The following TTC23 variants were observed in gnomAD, a reference collection of about 807,000 sequenced individuals.
The protein encoded by TTC23 is tetratricopeptide repeat protein 23.
A neutral mutation model predicts 55.1 loss-of-function variants in TTC23; 58 were observed. The observed-to-expected ratio is 1.05, with a 90% CI of 0.85 to 1.31. The LOEUF (loss-of-function observed/expected upper bound fraction) is 1.31, where lower values mean the gene tolerates loss of function less well. TTC23 is among the 50% of genes most tolerant of loss of function. The probability of loss-of-function intolerance (pLI) is 0.00; values close to 1 mark genes in which losing one functional copy is unlikely to be tolerated. For missense variants in TTC23, 516 were observed against 534.4 expected (o/e 0.97, Z 0.34); for synonymous variants, 203 against 199.9 (o/e 1.02, Z -0.13).
intron 8 of TTC23, among the ~76,000 whole-genome samples, chr15:99,210,346 C>T (rs982407593): frequency 3.3e-5 from 5 of 151,922 alleles, no homozygotes; most frequent in African/African-American, 1.2e-4. Context: ...TTTGGCTTCC[C>T]CACATTGAAA....
chr15:99,219,120 C>A, intron 6 of TTC23, 72 bp from the exon 7 acceptor site: 2 of 1,537,118 alleles, frequency 1.3e-6, no homozygotes, highest in South Asian at 2.5e-5. Flanking sequence ...TCCTTATGGT[C>A]TGGGAATCTA....
In TTC23 at chr15:99,175,165, C is replaced by T. The variant is rs1310528888; in HGVS notation, c.760-10G>A. Reference sequence around the variant, plus strand: ...GGATGATAAGATGTGCCTGTCACCACAGAAAGAAGAAACATGTTGTTTACA... The same window carrying T: ...GGATGATAAGATGTGCCTGTCACCATAGAAAGAAGAAACATGTTGTTTACA... On this transcript the variant is annotated splice_polypyrimidine_tract_variant and intron_variant, in intron 9 of 13. Coordinates refer to ENST00000394132, the MANE Select transcript of TTC23 (RefSeq NM_001288615.3). 6.2e-7 allele frequency: 1 copy of T among 1,608,882 alleles called. No individual in the cohort carries two copies. The highest frequency in any genetic ancestry group is 8.5e-7 in the Non-Finnish European group (1 of 1,175,426).
chr15:99,149,209 TCA>T (rs2151859241), intron 12 of TTC23, among the ~76,000 whole-genome samples: 1 of 152,348 alleles, frequency 6.6e-6, no homozygotes, highest in Admixed American at 6.5e-5. Context: ...GCCCTGGTAT[TCA>T]CAGAGCAGTC....
chr15:99,222,506 T>C (rs1010612850), intron 5 of TTC23, among the ~76,000 whole-genome samples: 1 of 152,164 alleles, frequency 6.6e-6, no homozygotes. Flanking sequence ...AATACTATAG[T>C]TTAGCTCTCA....
intron 13 of TTC23, 67 bp from the exon 14 acceptor site, chr15:99,138,194 C>T (rs2151819566): frequency 6.3e-7 from 1 of 1,586,140 alleles, no homozygotes; most frequent in Non-Finnish European, 8.6e-7. Flanking sequence ...CCCATCCAGC[C>T]TTTGCTGCCC....
chr15:99,237,808 G>T (rs994848875), intron 3 of TTC23, among the ~76,000 whole-genome samples: 25 of 152,182 alleles, frequency 1.6e-4, no homozygotes, highest in African/African-American at 6.0e-4. Flanking sequence ...TTAGCAAATT[G>T]TATACTTTTA....
intron 10 of TTC23, 103 bp downstream of exon 10, chr15:99,174,947 G>A (rs577792970): frequency 2.9e-5 from 24 of 836,202 alleles, no homozygotes; most frequent in Admixed American, 1.5e-4. Context: ...GCTCTGTGGC[G>A]GGCCTGTGTC....
upstream of TTC23, among the ~76,000 whole-genome samples, chr15:99,250,773 C>T (rs556526500): frequency 1.3e-5 from 2 of 152,308 alleles, no homozygotes; most frequent in East Asian, 3.9e-4. Context: ...GCAATCTTTA[C>T]TCAAAATAAA....
intron 2 of TTC23, among the ~76,000 whole-genome samples, chr15:99,242,285 G>T (rs1398869912): frequency 6.6e-6 from 1 of 151,816 alleles, no homozygotes; most frequent in Non-Finnish European, 1.5e-5. Context: ...AAAAAATAGT[G>T]ATAAAAAAAT....
chr15:99,165,140 C>T lies in TTC23; in HGVS notation c.866-3273G>A, dbSNP rs953621923. 3.9e-5 allele frequency among the ~76,000 whole-genome samples: 6 copies of T among 152,232 alleles called. No individual in the cohort carries two copies. The South Asian group carries it at 1.0e-3, about 26-fold the overall frequency. On this transcript the variant is annotated intron_variant, in intron 10 of 13. Transcript: ENST00000394132. The stretch of plus-strand genomic sequence containing the variant: ...AGTTTTGATAATTGTGGCTATGGGT[C>T]CCCATACTAGGCTGAAATAGCAGGC...
At chr15:99,177,428 A>G (rs1033868428) in intron 9 of TTC23, among the ~76,000 whole-genome samples, 1 of 152,248 alleles carries the variant, frequency 6.6e-6, no homozygotes, top group Non-Finnish European at 1.5e-5. Flanking sequence ...AATAACGGGC[A>G]CTATGAAATT....
chr15:99,145,349 A>T (rs868910201), intron 12 of TTC23: 1 of 152,208 alleles, frequency 6.6e-6, no homozygotes, highest in Non-Finnish European at 1.5e-5. Context: ...AAAATACATA[A>T]ATAAACGTGT....
chr15:99,172,030 T>C (rs2073011235), intron 10 of TTC23, among the ~76,000 whole-genome samples: 3 of 151,916 alleles, frequency 2.0e-5, no homozygotes, highest in African/African-American at 4.8e-5. Flanking sequence ...ATTTTTTTTT[T>C]TTTTGGAGAC....
intron 9 of TTC23, among the ~76,000 whole-genome samples, chr15:99,177,908 G>A (rs1285689717): frequency 6.6e-6 from 1 of 152,192 alleles, no homozygotes; most frequent in African/African-American, 2.4e-5. Context: ...GGCTGGGCAT[G>A]CTGGCTCATG....
intron 9 of TTC23, among the ~76,000 whole-genome samples, chr15:99,196,473 AG>A (rs1451984725): frequency 2.6e-5 from 4 of 152,202 alleles, no homozygotes; most frequent in Middle Eastern, 3.2e-3. Context: ...TACTAACAAA[AG>A]TTGTAAACCC....
At chr15:99,246,614 CA>C (rs961175044) in intron 1 of TTC23, among the ~76,000 whole-genome samples, 248 of 134,212 alleles carry the variant, frequency 1.8e-3, no homozygotes, top group Middle Eastern at 4.5e-3. Flanking sequence ...CACTCCGTGT[CA>C]AAAAAAAAAA....
At chr15:99,138,424 A>T (rs1555488311) in intron 13 of TTC23, among the ~76,000 whole-genome samples, 1 of 151,580 alleles carries the variant, frequency 6.6e-6, no homozygotes, top group Non-Finnish European at 1.5e-5. Flanking sequence ...AGCAACTCTC[A>T]TGCCTCAGTC....
chr15:99,136,515 G>GTC lies in TTC23; in HGVS notation c.*1493_*1494dup, dbSNP rs1380729266. The GTC allele has an allele frequency of 6.6e-6, 1 of 152,232 alleles. No individual in the cohort carries two copies. The allele number at this position is 152,232 out of a possible 1,614,324, so 9.4% of individuals were successfully genotyped here. A position where few individuals can be genotyped will look rare whatever the true frequency, so the allele number is the denominator to read the frequency against. ...CTCTCTTCCGGGCCTGCAGACGGCT[G>GTC]TCTTCTCACTGTGTCCTCACATGGT... On this transcript the variant is annotated 3_prime_UTR_variant, in exon 14 of 14. Transcript: ENST00000394132.
intron 8 of TTC23, among the ~76,000 whole-genome samples, chr15:99,208,684 T>G (rs767419242): frequency 3.6e-4 from 54 of 151,956 alleles, no homozygotes; most frequent in Non-Finnish European, 5.0e-4. Flanking sequence ...GAGTACACTA[T>G]TCACATAAAA....
Sources: gnomAD v4.1 joint callset for allele counts (sites outside exome capture counted in the v4.1 genomes callset) on GRCh38, gnomAD v4.1.1 for gene constraint, MANE v1.5 for transcripts, NCBI Gene and HGNC (gene_info 2026-07-23, HGNC 2026-07-21) for gene names.